Variants in TRPV4 observed in about 807,000 individuals in gnomAD.
TRPV4 encodes OSM9-like transient receptor potential channel 4.
TRPV4 carries 58 observed loss-of-function variants against 84.1 expected under a neutral mutation model. That is an observed-to-expected ratio of 0.69 (90% confidence interval 0.56 to 0.86). The LOEUF (loss-of-function observed/expected upper bound fraction) is 0.86. Ranked by LOEUF, TRPV4 falls within the 40% of genes least tolerant of loss-of-function variation. The pLI is 0.00. For synonymous variants in TRPV4, 489 were observed against 500.9 expected (o/e 0.98, Z 0.32); for missense variants, 879 against 1,181.1 (o/e 0.74, Z 3.75).
Position 109,792,969 on chromosome 12 carries a change from T to C in TRPV4, c.1659-152A>G, listed in dbSNP as rs140813758. 18 of 718,786 alleles carry C rather than the reference T, an allele frequency of 2.5e-5. No homozygotes were observed. The African/African-American group carries it at 2.8e-4, about 11-fold the overall frequency. 44.5% of individuals were successfully genotyped at this position (718,786 alleles called of 1,614,324 possible). A position where few individuals can be genotyped will look rare whatever the true frequency, so the allele number is the denominator to read the frequency against. ...AAAGAAACAAAGTGGATTAGCAGGG[T>C]TCCCCAGCATTCTGTTAACAAGAAC... On this transcript the variant is annotated intron_variant, in intron 10 of 15. Coordinates refer to ENST00000261740, the MANE Select transcript of TRPV4 (RefSeq NM_021625.5).
intron 12 of TRPV4, among the ~76,000 whole-genome samples, chr12:109,789,320 A>G (rs1889894929): frequency 6.6e-6 from 1 of 152,170 alleles, no homozygotes; most frequent in Non-Finnish European, 1.5e-5. Context: ...GCCACGAAGA[A>G]TGATCTGGTC....
intron 12 of TRPV4, among the ~76,000 whole-genome samples, chr12:109,790,946 C>T (rs901774548): frequency 2.0e-5 from 3 of 152,210 alleles, no homozygotes; most frequent in Non-Finnish European, 4.4e-5. Context: ...AGATAGCAAA[C>T]CCCCTCTAAC....
In TRPV4 at chr12:109,831,330, G is replaced by C. The variant is rs541427414; in HGVS notation, c.-32+2020C>G. ...ACCAAGCCCTCGTGGGTCCTTCCTG[G>C]GCCAGTCCTCCTACCCTACGGCATT... On this transcript the variant is annotated intron_variant, in intron 1 of 15. Transcript: ENST00000261740. 2.6e-5 allele frequency among the ~76,000 whole-genome samples: 4 copies of C among 152,218 alleles called. No individual in the cohort carries two copies. In the East Asian group the frequency reaches 7.7e-4, roughly 29 times the overall value.
chr12:109,784,400 A>G lies in TRPV4; in HGVS notation c.2374T>C (p.Leu792=). The G allele has an allele frequency of 1.9e-6, 3 of 1,614,166 alleles. No homozygotes were observed. The South Asian group carries it at 3.3e-5, about 18-fold the overall frequency. ...EVNWSHWNQN[L]GIINEDPGKN... ...CCCGGGTCCTCGTTGATGATGCCCA[A>G]GTTCTGGTTCCAGTGAGACCAGTTC... Residue 792 remains leucine, a synonymous_variant, in exon 15 of 16, where the codon TTG becomes CTG. Transcript: ENST00000261740.
chr12:109,801,896 T>A (rs576496594), intron 4 of TRPV4, among the ~76,000 whole-genome samples: 1 of 152,282 alleles, frequency 6.6e-6, no homozygotes, highest in African/African-American at 2.4e-5. Flanking sequence ...ACTCAAGATA[T>A]AATATTCATG....
chr12:109,827,643 T>C (rs1892293834), intron 1 of TRPV4, among the ~76,000 whole-genome samples: 1 of 151,448 alleles, frequency 6.6e-6, no homozygotes, highest in African/African-American at 2.4e-5. Context: ...CATACATACA[T>C]ATACACGCAA....
chr12:109,794,607 T>G, intron 7 of TRPV4, 120 bp from the exon 8 acceptor site: 1 of 1,043,524 alleles, frequency 9.6e-7, no homozygotes, highest in Non-Finnish European at 1.5e-6. Context: ...TTTCCATCCA[T>G]TCCTCAGCTG....
rs117567040 is a variant in TRPV4 at position 109,795,091 on chromosome 12, G to A, written c.1333-604C>T. ...TGTGGATAGTACCAAGCTGCTGGCC[G>A]CAAAATAATTTATGTAACTTGCTGC... On this transcript the variant is annotated intron_variant, in intron 7 of 15. Coordinates refer to ENST00000261740, the MANE Select transcript of TRPV4 (RefSeq NM_021625.5). Among the ~76,000 whole-genome samples the A allele has an allele frequency of 2.9e-3, 436 of 152,278 alleles. 1 individual carries two copies. Among genetic ancestry groups the A allele is most frequent in the Non-Finnish European group, 4.8e-3 (328 of 68,012 alleles).
intron 2 of TRPV4, among the ~76,000 whole-genome samples, chr12:109,813,472 T>C (rs551567922): frequency 6.6e-6 from 1 of 152,218 alleles, no homozygotes; most frequent in African/African-American, 2.4e-5. Flanking sequence ...GTTGTATAAA[T>C]GAGTGGGTGG....
intron 5 of TRPV4, among the ~76,000 whole-genome samples, chr12:109,799,987 A>T (rs1890672759): frequency 6.6e-6 from 1 of 151,648 alleles, no homozygotes; most frequent in East Asian, 1.9e-4. Flanking sequence ...CTGTCACCCA[A>T]GCTGGAGTGC....
At position 109,793,817 on chromosome 12, in the gene TRPV4, A is replaced by C; in HGVS notation, c.1584+113T>G. 1 of 908,960 alleles carries C rather than the reference A, an allele frequency of 1.1e-6. No individual in the cohort carries two copies. Among genetic ancestry groups the C allele is most frequent in the East Asian group, 2.6e-5 (1 of 38,722 alleles). 56.3% of individuals were successfully genotyped at this position (908,960 alleles called of 1,614,324 possible). On this transcript the variant is annotated intron_variant, in intron 9 of 15. Coordinates refer to ENST00000261740, the MANE Select transcript of TRPV4 (RefSeq NM_021625.5). This position sits in a 1 kb window ranked among gnomAD's most constrained non-coding sequence, Gnocchi z 4.0. ...AAATGGGAAAATAAAAGGAGGAAGG[A>C]AAGGAGAAGGACCATTTGGAGGAGA... is the stretch of plus-strand genomic sequence containing the variant.
At chr12:109,788,056 A>T (rs1889800740) in intron 13 of TRPV4, among the ~76,000 whole-genome samples, 1 of 152,234 alleles carries the variant, frequency 6.6e-6, no homozygotes, top group African/African-American at 2.4e-5. Flanking sequence ...CCCTGGGCTC[A>T]GCGTGGGACC....
In TRPV4 at chr12:109,786,149, G is replaced by C. The variant is rs1889671658; in HGVS notation, c.2336+561C>G. Among the ~76,000 whole-genome samples the C allele has an allele frequency of 6.6e-6, 1 of 152,160 alleles. No homozygotes were observed. Among genetic ancestry groups the C allele is most frequent in the Non-Finnish European group, 1.5e-5 (1 of 68,030 alleles). On this transcript the variant is annotated intron_variant, in intron 14 of 15. Transcript: ENST00000261740. The surrounding 1 kb of genome is among the most constrained non-coding windows in gnomAD (Gnocchi z 4.5). ...TCCATGCTGACAACCACTTTACAAT[G>C]AATGAATCAACTGGAAAGAAAAGAT...
chr12:109,796,859 T>C lies in TRPV4; in HGVS notation c.1153-155A>G, dbSNP rs1388065084. ...TGTTTAATTCTTGCTCTTATTATCT[T>C]GGTTTACAGATAAAGAATGGAGGCT... On this transcript the variant is annotated intron_variant, in intron 6 of 15. Coordinates refer to ENST00000261740, the MANE Select transcript of TRPV4 (RefSeq NM_021625.5). The surrounding 1 kb of genome is among the most constrained non-coding windows in gnomAD (Gnocchi z 4.2). Among the ~76,000 whole-genome samples, 1 of 152,144 alleles carries C rather than the reference T, an allele frequency of 6.6e-6. No individual in the cohort carries two copies. The highest frequency in any genetic ancestry group is 2.4e-5 in the African/African-American group (1 of 41,422).
intron 1 of TRPV4, among the ~76,000 whole-genome samples, chr12:109,831,361 CT>C (rs1892404511): frequency 6.6e-6 from 1 of 152,238 alleles, no homozygotes; most frequent in African/African-American, 2.4e-5. Flanking sequence ...GCATTCTCCC[CT>C]GACCCCATCC....
chr12:109,817,433 G>A (rs933399457), intron 1 of TRPV4, among the ~76,000 whole-genome samples: 1 of 152,098 alleles, frequency 6.6e-6, no homozygotes, highest in African/African-American at 2.4e-5. Flanking sequence ...CAGCCAAGAA[G>A]GTCCTTCCAT....
At chr12:109,831,327 C>T (rs1892403734) in intron 1 of TRPV4, among the ~76,000 whole-genome samples, 1 of 152,198 alleles carries the variant, frequency 6.6e-6, no homozygotes, top group African/African-American at 2.4e-5. Flanking sequence ...TGGGTCCTTC[C>T]TGGGCCAGTC....
chr12:109,792,577 G>A (rs893485835), intron 11 of TRPV4, 75 bp downstream of exon 11: 14 of 1,595,756 alleles, frequency 8.8e-6, no homozygotes, highest in Middle Eastern at 1.7e-4. Flanking sequence ...GTCTGCAGGT[G>A]CATAAGTGTG....
At chr12:109,825,433 T>C (rs969828391) in intron 1 of TRPV4, among the ~76,000 whole-genome samples, 1 of 152,102 alleles carries the variant, frequency 6.6e-6, no homozygotes, top group African/African-American at 2.4e-5. Flanking sequence ...ATTTTACAGA[T>C]AAGGATGTTC....
Sources: allele counts gnomAD v4.1 joint callset (sites outside exome capture counted in the v4.1 genomes callset), GRCh38; gene constraint gnomAD v4.1.1; non-coding constraint Gnocchi (gnomAD v3.1); transcripts MANE v1.5; gene names NCBI Gene and HGNC (gene_info 2026-07-23, HGNC 2026-07-21).